The following ZNF438 variants were observed in gnomAD, a reference collection of about 807,000 sequenced individuals.
ZNF438 encodes zinc finger protein 438.
A neutral mutation model predicts 38.0 loss-of-function variants in ZNF438; 25 were observed. The observed-to-expected ratio is 0.66, with a 90% CI of 0.48 to 0.92. ZNF438 has a LOEUF of 0.92. Among genes scored for constraint, ZNF438 ranks in the 40% least tolerant of loss-of-function variants. The probability of loss-of-function intolerance (pLI) is 0.00; values close to 1 mark genes in which losing one functional copy is unlikely to be tolerated. For synonymous variants in ZNF438, 372 were observed against 364.1 expected, an observed-to-expected ratio of 1.02 and a Z score of -0.25; for missense variants, 1,007 against 999.6, an observed-to-expected ratio of 1.01 and a Z score of -0.10.
intron 1 of ZNF438, among the ~76,000 whole-genome samples, chr10:31,013,289 A>C (rs935942677): frequency 9.2e-5 from 14 of 151,976 alleles, no homozygotes; most frequent in Non-Finnish European, 1.9e-4. Context: ...ACTGCACTCC[A>C]GCCTGGGCGA....
chr10:30,928,007 G>A (rs2045163346), intron 2 of ZNF438, among the ~76,000 whole-genome samples: 1 of 152,112 alleles, frequency 6.6e-6, no homozygotes, highest in East Asian at 1.9e-4. Context: ...TCTTATTTCT[G>A]ATTTGTCTAT....
intron 2 of ZNF438, among the ~76,000 whole-genome samples, chr10:30,933,567 A>G (rs1003928947): frequency 2.0e-5 from 3 of 152,208 alleles, no homozygotes; most frequent in Admixed American, 2.0e-4. Context: ...ACTGTGAGTT[A>G]TGATAAGGCC....
intron 3 of ZNF438, among the ~76,000 whole-genome samples, chr10:30,906,471 T>C (rs2042596963): frequency 1.3e-5 from 2 of 152,202 alleles, no homozygotes; most frequent in Non-Finnish European, 2.9e-5. Context: ...AAGAATTTTT[T>C]AGTGGATTCC....
At chr10:31,004,901 C>A (rs986007291) in intron 1 of ZNF438, among the ~76,000 whole-genome samples, 1 of 152,070 alleles carries the variant, frequency 6.6e-6, no homozygotes, top group Non-Finnish European at 1.5e-5. Context: ...AATAACATAG[C>A]CTATTTCTTG....
chr10:30,898,572 A>T (rs1472252139), intron 3 of ZNF438, among the ~76,000 whole-genome samples: 1 of 152,198 alleles, frequency 6.6e-6, no homozygotes, highest in Admixed American at 6.5e-5. Context: ...TATATAATAC[A>T]TACATAACTA....
intron 1 of ZNF438, among the ~76,000 whole-genome samples, chr10:30,948,058 G>C (rs1242480041): frequency 3.9e-5 from 6 of 152,038 alleles, no homozygotes; most frequent in Non-Finnish European, 5.9e-5. Context: ...ATCTCAGTAC[G>C]GGCAGACTGC....
intron 1 of ZNF438, among the ~76,000 whole-genome samples, chr10:31,018,993 C>T (rs1357388446): frequency 2.0e-5 from 3 of 152,164 alleles, no homozygotes; most frequent in Non-Finnish European, 4.4e-5. Flanking sequence ...TACTTATTGG[C>T]AGGAGGAGTT....
chr10:30,878,051 C>G (rs2994667), intron 3 of ZNF438, among the ~76,000 whole-genome samples: 5 of 152,286 alleles, frequency 3.3e-5, no homozygotes, highest in African/African-American at 1.2e-4. Context: ...TGAACATCAG[C>G]GATGGAAGCA....
intron 2 of ZNF438, among the ~76,000 whole-genome samples, chr10:30,915,126 C>A (rs2043468739): frequency 6.6e-6 from 1 of 151,818 alleles, no homozygotes; most frequent in Non-Finnish European, 1.5e-5. Flanking sequence ...AGATTTTTAT[C>A]ATCAGTCAGA....
intron 1 of ZNF438, among the ~76,000 whole-genome samples, chr10:30,957,745 C>T (rs2049023426): frequency 6.6e-6 from 1 of 152,098 alleles, no homozygotes; most frequent in African/African-American, 2.4e-5. Flanking sequence ...GTTTTGGTTA[C>T]TATTGGTTAA....
In ZNF438 at chr10:30,855,782, C is replaced by T. The variant is rs114287433; in HGVS notation, c.38-5415G>A. Among the ~76,000 whole-genome samples, 1,510 of 152,288 alleles carry T rather than the reference C, an allele frequency of 9.9e-3. 26 individuals carry two copies. Among genetic ancestry groups the T allele is most frequent in the African/African-American group, 0.034 (1,399 of 41,552 alleles). Reference sequence around the variant, plus strand: ...AGATGGGAGATGTACAGTATGCTATCACTTGGATTAACAAAAATGAGAAGA... The same window carrying T: ...AGATGGGAGATGTACAGTATGCTATTACTTGGATTAACAAAAATGAGAAGA... On this transcript the variant is annotated intron_variant, in intron 4 of 5. Coordinates refer to ENST00000413025, the Ensembl canonical transcript of ZNF438.
intron 4 of ZNF438, among the ~76,000 whole-genome samples, chr10:30,874,911 G>A (rs2038174927): frequency 6.6e-6 from 1 of 151,778 alleles, no homozygotes; most frequent in Admixed American, 6.6e-5. Flanking sequence ...TTACTGGTTG[G>A]TGGTCTTGGC....
rs28504428 is a variant in ZNF438, at chr10:30,890,094, A to G, written c.-31-13029T>C. 5.2e-3 allele frequency among the ~76,000 whole-genome samples: 753 copies of G among 144,616 alleles called. 5 individuals are homozygous for G. The highest frequency in any genetic ancestry group is 0.018 in the African/African-American group (730 of 40,198). 94.9% of individuals were successfully genotyped at this position (144,616 alleles called of 152,430 possible). A position where few individuals can be genotyped will look rare whatever the true frequency, so the allele number is the denominator to read the frequency against. On this transcript the variant is annotated intron_variant, in intron 3 of 5. Coordinates refer to ENST00000413025, the Ensembl canonical transcript of ZNF438. The stretch of plus-strand genomic sequence containing the variant: ...ATCTTTGGCATTTCCAAAAAAAAAA[A>G]AAAAAAAAAGAAAAAAAAAGAAATG...
intron 2 of ZNF438, among the ~76,000 whole-genome samples, chr10:30,912,995 A>T (rs1459102576): frequency 1.3e-5 from 2 of 151,992 alleles, no homozygotes; most frequent in Non-Finnish European, 2.9e-5. Context: ...GGATTTAAGG[A>T]TTAAATCTGT....
intron 1 of ZNF438, among the ~76,000 whole-genome samples, chr10:30,968,711 G>A (rs2050418875): frequency 6.6e-6 from 1 of 151,932 alleles, no homozygotes; most frequent in Non-Finnish European, 1.5e-5. Flanking sequence ...CAAAGTGCTG[G>A]GATTACAGGC....
chr10:30,960,809 TA>T lies in ZNF438; in HGVS notation c.-191-19159del, dbSNP rs932425875. On this transcript the variant is annotated intron_variant, in intron 1 of 5. Transcript: ENST00000413025. ...TTCTTAGACAAGATAGATATAAATATAAAAATAAAATAGGCTATATTTTAAA... is the reference window on the plus strand; with the variant it reads ...TTCTTAGACAAGATAGATATAAATATAAAATAAAATAGGCTATATTTTAAA... 3.4e-5 allele frequency among the ~76,000 whole-genome samples: 5 copies of T among 146,934 alleles called. 1 individual carries two copies. Among genetic ancestry groups the T allele is most frequent in the Non-Finnish European group, 6.2e-5 (4 of 64,818 alleles).
rs368349689 is a variant in ZNF438, at chr10:30,902,796, C to T, written c.-32+6137G>A. ...CGCAGGTGGAGCTGCCTGCCAGTCC[C>T]GCAGTGTGCCCGCACTCCTCAGCCC... On this transcript the variant is annotated intron_variant, in intron 3 of 5. Coordinates refer to ENST00000413025, the Ensembl canonical transcript of ZNF438. 5.3e-5 allele frequency among the ~76,000 whole-genome samples: 8 copies of T among 152,342 alleles called. No individual in the cohort carries two copies. In the East Asian group the frequency reaches 5.8e-4, roughly 11 times the overall value.
At chr10:30,918,696 G>T (rs1227988249) in intron 2 of ZNF438, among the ~76,000 whole-genome samples, 2 of 152,142 alleles carry the variant, frequency 1.3e-5, no homozygotes, top group Non-Finnish European at 2.9e-5. Context: ...AATGAATGGA[G>T]ATTCTACAAG....
intron 3 of ZNF438, among the ~76,000 whole-genome samples, chr10:30,897,236 A>G (rs996048753): frequency 3.3e-5 from 5 of 152,346 alleles, no homozygotes; most frequent in African/African-American, 1.2e-4. Context: ...ATACAAAAGT[A>G]AATACTGCCT....
Sources: gnomAD v4.1 joint callset for allele counts (sites outside exome capture counted in the v4.1 genomes callset) on GRCh38, gnomAD v4.1.1 for gene constraint, MANE v1.5 for transcripts, NCBI Gene and HGNC (gene_info 2026-07-23, HGNC 2026-07-21) for gene names.